Variants in DOK5 observed in about 807,000 individuals in gnomAD.
DOK5 encodes the protein downstream of tyrosine kinase 5.
DOK5 carries 27 observed loss-of-function variants against 43.3 expected under a neutral mutation model. The observed-to-expected ratio is 0.62, with a 90% CI of 0.46 to 0.86. The LOEUF is 0.86. Ranked by LOEUF, DOK5 falls within the 40% of genes least tolerant of loss-of-function variation. The pLI is 0.00. For synonymous variants in DOK5, 146 were observed against 140.1 expected (o/e 1.04, Z -0.30); for missense variants, 373 against 392.9 (o/e 0.95, Z 0.43).
intron 2 of DOK5, among the ~76,000 whole-genome samples, chr20:54,581,991 GT>G (rs1045053448): frequency 2.0e-5 from 3 of 151,836 alleles, no homozygotes; most frequent in African/African-American, 7.2e-5. Flanking sequence ...AAAAAAAAAT[GT>G]TTTCATTTTT....
At chr20:54,631,734 G>A (rs1218707375) in intron 6 of DOK5, among the ~76,000 whole-genome samples, 2 of 152,122 alleles carry the variant, frequency 1.3e-5, no homozygotes, top group African/African-American at 4.8e-5. Flanking sequence ...AGCACTTTGG[G>A]AGGCCGAGGT....
intron 1 of DOK5, among the ~76,000 whole-genome samples, chr20:54,508,198 A>T (rs959134796): frequency 6.6e-6 from 1 of 152,164 alleles, no homozygotes; most frequent in Non-Finnish European, 1.5e-5. Context: ...AATTAAAAGT[A>T]GAACTCCCAG....
chr20:54,616,073 C>T (rs903164028), intron 6 of DOK5, among the ~76,000 whole-genome samples: 1 of 152,132 alleles, frequency 6.6e-6, no homozygotes, highest in Admixed American at 6.5e-5. Context: ...TTTGTTTCGA[C>T]AGCCATAGAA....
chr20:54,620,760 A>G (rs966754932), intron 6 of DOK5, among the ~76,000 whole-genome samples: 1 of 152,146 alleles, frequency 6.6e-6, no homozygotes, highest in Non-Finnish European at 1.5e-5. Flanking sequence ...ACAAATGTTC[A>G]CGGGAGGACT....
At chr20:54,509,666 G>A (rs1194583748) in intron 1 of DOK5, among the ~76,000 whole-genome samples, 1 of 152,304 alleles carries the variant, frequency 6.6e-6, no homozygotes, top group South Asian at 2.1e-4. Flanking sequence ...ATAGTGATGA[G>A]AGCATTTATT....
At chr20:54,644,722 A>AACAAAAAAAAAC (rs1568827238) in intron 7 of DOK5, among the ~76,000 whole-genome samples, 1 of 146,568 alleles carries the variant, frequency 6.8e-6, no homozygotes, top group African/African-American at 2.5e-5. Flanking sequence ...AAAAAAAAAA[A>AACAAAAAAAAAC]AACAAAATTT....
At chr20:54,548,190 G>A (rs1984409009) in intron 1 of DOK5, among the ~76,000 whole-genome samples, 1 of 152,056 alleles carries the variant, frequency 6.6e-6, no homozygotes, top group South Asian at 2.1e-4. Flanking sequence ...TACTATCATT[G>A]AATTCTCATA....
At chr20:54,547,448 A>G (rs1984386871) in intron 1 of DOK5, among the ~76,000 whole-genome samples, 1 of 152,220 alleles carries the variant, frequency 6.6e-6, no homozygotes, top group Non-Finnish European at 1.5e-5. Flanking sequence ...GACATTGTGA[A>G]GGCTTACTAT....
rs180744967 is a variant in DOK5, at chr20:54,638,728, C to T, written c.736-4730C>T. On this transcript the variant is annotated intron_variant, in intron 6 of 7. Transcript: ENST00000262593. ...CACGTGTAGTATACAGTTTGTTCCACCATAACACCATTTCTTTTCTTTTCT... is the reference window on the plus strand; with the variant it reads ...CACGTGTAGTATACAGTTTGTTCCATCATAACACCATTTCTTTTCTTTTCT... 3.6e-3 allele frequency among the ~76,000 whole-genome samples: 544 copies of T among 150,272 alleles called. 3 individuals carry two copies. Among genetic ancestry groups the T allele is most frequent in the Non-Finnish European group, 6.0e-3 (406 of 67,744 alleles).
intron 6 of DOK5, among the ~76,000 whole-genome samples, chr20:54,632,320 T>A (rs1978609638): frequency 1.3e-5 from 2 of 152,232 alleles, no homozygotes; most frequent in Non-Finnish European, 2.9e-5. Flanking sequence ...CCTAAAAATA[T>A]TTTAAGGTTT....
chr20:54,487,039 G>T (rs1981962548), intron 1 of DOK5, among the ~76,000 whole-genome samples: 1 of 152,116 alleles, frequency 6.6e-6, no homozygotes, highest in Non-Finnish European at 1.5e-5. Context: ...GGAGCCTCCA[G>T]TGAAATCCTA....
At chr20:54,497,492 G>A (rs1011666806) in intron 1 of DOK5, among the ~76,000 whole-genome samples, 4 of 152,166 alleles carry the variant, frequency 2.6e-5, no homozygotes, top group Non-Finnish European at 5.9e-5. Flanking sequence ...TTAAAAGGTG[G>A]CATAATCTAT....
At chr20:54,569,137 TA>T (rs1202520367) in intron 2 of DOK5, among the ~76,000 whole-genome samples, 1 of 152,096 alleles carries the variant, frequency 6.6e-6, no homozygotes, top group Non-Finnish European at 1.5e-5. Flanking sequence ...GTTTTAGAGG[TA>T]AAATGGAGTA....
intron 5 of DOK5, among the ~76,000 whole-genome samples, chr20:54,605,000 T>TAAAA (rs1221047834): frequency 1.3e-5 from 1 of 76,800 alleles, no homozygotes; most frequent in Non-Finnish European, 2.5e-5. Context: ...AGACTGTGTC[T>TAAAA]CAAAAAAAAA....
chr20:54,560,915 C>T (rs1984882459), intron 2 of DOK5, among the ~76,000 whole-genome samples: 1 of 152,172 alleles, frequency 6.6e-6, no homozygotes, highest in Non-Finnish European at 1.5e-5. Context: ...AGCCACCATG[C>T]CCGGCCTGAG....
chr20:54,530,552 T>C (rs1983734146), intron 1 of DOK5, among the ~76,000 whole-genome samples: 1 of 152,194 alleles, frequency 6.6e-6, no homozygotes, highest in African/African-American at 2.4e-5. Flanking sequence ...CCTCCTCTTC[T>C]CTACTTCCCA....
At position 54,572,502 on chromosome 20, in the gene DOK5, G is replaced by A. The variant is rs543000016; in HGVS notation, c.175-15981G>A. 5.3e-5 allele frequency among the ~76,000 whole-genome samples: 8 copies of A among 152,202 alleles called. No homozygotes were observed. In the South Asian group the frequency reaches 1.2e-3, roughly 24 times the overall value. On this transcript the variant is annotated intron_variant, in intron 2 of 7. Transcript: ENST00000262593. ...GTACAATGGGAATACAATAGTGCCA[G>A]CCAGTTAGATTGGAAAAAAAATTAA...
chr20:54,636,977 G>T (rs1409458825), intron 6 of DOK5, among the ~76,000 whole-genome samples: 1 of 152,156 alleles, frequency 6.6e-6, no homozygotes. Context: ...CTAGCACATT[G>T]TTTTCAGAAT....
At chr20:54,508,317 A>G (rs1177879596) in intron 1 of DOK5, among the ~76,000 whole-genome samples, 2 of 151,806 alleles carry the variant, frequency 1.3e-5, no homozygotes, top group Non-Finnish European at 2.9e-5. Context: ...TCCCCACCAC[A>G]CATAAATAAA....
Sources: gnomAD v4.1 joint callset for allele counts (sites outside exome capture counted in the v4.1 genomes callset) on GRCh38, gnomAD v4.1.1 for gene constraint, MANE v1.5 for transcripts, NCBI Gene and HGNC (gene_info 2026-07-23, HGNC 2026-07-21) for gene names.